DENND5B: variants seen among roughly 807,000 people sequenced by gnomAD.
DENND5B encodes the protein DENN domain containing 5B, also known as DENN domain-containing protein 5B.
DENND5B carries 34 observed loss-of-function variants against 140.6 expected under a neutral mutation model. That is an observed-to-expected ratio of 0.24 (90% CI 0.18 to 0.32). The LOEUF (loss-of-function observed/expected upper bound fraction) is 0.32. Among genes scored for constraint, DENND5B ranks in the 10% least tolerant of loss-of-function variants. DENND5B has a pLI of 1.00. For synonymous variants in DENND5B, 551 were observed against 562.1 expected (o/e 0.98, Z 0.28); for missense variants, 1,142 against 1,560.2 (o/e 0.73, Z 4.52).
intron 7 of DENND5B, among the ~76,000 whole-genome samples, chr12:31,436,457 T>C (rs1392413208): frequency 3.3e-5 from 5 of 152,144 alleles, no homozygotes; most frequent in African/African-American, 1.2e-4. Context: ...CCAATGGCTA[T>C]TATTTGATCC....
chr12:31,390,183 C>T (rs1941050363), intron 19 of DENND5B, among the ~76,000 whole-genome samples: 1 of 152,196 alleles, frequency 6.6e-6, no homozygotes, highest in Admixed American at 6.5e-5. Flanking sequence ...GATCACAAAG[C>T]TTAGCAAGCT....
chr12:31,395,581 G>A (rs777800815), intron 17 of DENND5B, among the ~76,000 whole-genome samples: 2 of 151,860 alleles, frequency 1.3e-5, no homozygotes, highest in Middle Eastern at 3.2e-3. Context: ...CAACAAGAGC[G>A]AAAACTCAGT....
At chr12:31,532,165 A>G (rs911323899) in intron 1 of DENND5B, among the ~76,000 whole-genome samples, 2 of 152,232 alleles carry the variant, frequency 1.3e-5, no homozygotes, top group African/African-American at 4.8e-5. Context: ...TGATTAAAAT[A>G]AAGGGGTGGC....
chr12:31,413,848 T>C (rs1942590200), intron 12 of DENND5B, among the ~76,000 whole-genome samples: 1 of 152,196 alleles, frequency 6.6e-6, no homozygotes, highest in Non-Finnish European at 1.5e-5. Context: ...TGTGGCAGAC[T>C]CATAGATATC....
chr12:31,391,842 T>A (rs1396096907), intron 19 of DENND5B, among the ~76,000 whole-genome samples: 1 of 151,970 alleles, frequency 6.6e-6, no homozygotes, highest in Non-Finnish European at 1.5e-5. Context: ...ATATTTATTT[T>A]AAAATATATA....
rs1941191842 is a variant in DENND5B at position 31,392,344 on chromosome 12, G to A, written c.3389C>T (p.Ala1130Val). The stretch of plus-strand genomic sequence containing the variant: ...CCCATGGTGGAAAACTTGCTCAAGG[G>A]CTGCAACCAGGCCATTTTCTCCACA... Reference protein sequence around the residue: ...LLCGENGLVAALEQVFHHGFK... With the variant: ...LLCGENGLVAVLEQVFHHGFK... Residue 1130 changes from alanine to valine, a missense_variant, in exon 19 of 21, where the codon GCC becomes GTC. This residue lies in a region of DENND5B where 125 missense variants were observed against 179.0 expected (regional missense o/e 0.70). Transcript: ENST00000389082. The A allele has an allele frequency of 1.2e-6, 2 of 1,613,594 alleles. No individual in the cohort carries two copies. The highest frequency in any genetic ancestry group is 2.7e-5 in the African/African-American group (2 of 74,792).
intron 7 of DENND5B, 98 bp downstream of exon 7, chr12:31,442,677 T>TA (rs1009314408): frequency 2.4e-6 from 3 of 1,273,094 alleles, no homozygotes; most frequent in Non-Finnish European, 3.1e-6. Context: ...AGTAATCAGA[T>TA]AGATGTTTAA....
intron 19 of DENND5B, among the ~76,000 whole-genome samples, chr12:31,389,895 T>C (rs1180650665): frequency 1.3e-5 from 2 of 152,052 alleles, no homozygotes; most frequent in Non-Finnish European, 2.9e-5. Context: ...TGCTAACACT[T>C]TGCAACAAGA....
chr12:31,490,432 C>A (rs974806742), intron 2 of DENND5B, among the ~76,000 whole-genome samples: 1 of 151,896 alleles, frequency 6.6e-6, no homozygotes, highest in Non-Finnish European at 1.5e-5. Flanking sequence ...AGCAACATAG[C>A]CAAACCCCGT....
intron 1 of DENND5B, among the ~76,000 whole-genome samples, chr12:31,537,865 A>G (rs982252159): frequency 2.6e-5 from 4 of 152,330 alleles, no homozygotes; most frequent in African/African-American, 9.6e-5. Flanking sequence ...AGATTTCAAG[A>G]CAAAAACTAT....
intron 20 of DENND5B, 64 bp from the exon 21 acceptor site, chr12:31,387,850 G>T: frequency 6.6e-7 from 1 of 1,521,868 alleles, no homozygotes; most frequent in Non-Finnish European, 8.9e-7. Flanking sequence ...AAGGCACACA[G>T]TGGAGTCTGT....
At chr12:31,573,501 G>C (rs967749577) in intron 1 of DENND5B, among the ~76,000 whole-genome samples, 3 of 152,172 alleles carry the variant, frequency 2.0e-5, no homozygotes, top group Admixed American at 6.5e-5. Context: ...GATTCAACAA[G>C]GTATGTCTAC....
chr12:31,503,226 A>G (rs895180752), intron 1 of DENND5B, among the ~76,000 whole-genome samples: 2 of 152,184 alleles, frequency 1.3e-5, no homozygotes, highest in African/African-American at 4.8e-5. Context: ...ACTATGACAC[A>G]AAAATCTCCC....
Position 31,392,698 on chromosome 12 carries a change from T to C in DENND5B, c.3257-2A>G, listed in dbSNP as rs1941212978. On this transcript the variant is annotated splice_acceptor_variant, in intron 17 of 20. Coordinates refer to ENST00000389082, the MANE Select transcript of DENND5B (RefSeq NM_144973.4). LOFTEE classifies it high-confidence loss of function. The stretch of plus-strand genomic sequence containing the variant: ...CTTGTATCTGCCCAGCATTGGGTTC[T>C]GTAAAATAATAAACAGTGGCTGCAT... The C allele has an allele frequency of 6.4e-7, 1 of 1,553,246 alleles. No homozygotes were observed. The highest frequency in any genetic ancestry group is 8.7e-7 in the Non-Finnish European group (1 of 1,147,660).
chr12:31,417,356 CAAAAAAAAAAA>C (rs767142927), intron 11 of DENND5B, among the ~76,000 whole-genome samples: 18 of 40,126 alleles, frequency 4.5e-4, no homozygotes, highest in Non-Finnish European at 8.7e-4. Flanking sequence ...GACTCTGTCT[CAAAAAAAAAAA>C]AAAAAAAAAA....
At chr12:31,501,381 A>G (rs1446864018) in intron 1 of DENND5B, among the ~76,000 whole-genome samples, 3 of 152,212 alleles carry the variant, frequency 2.0e-5, no homozygotes, top group Admixed American at 2.0e-4. Context: ...CTGTGAGTCA[A>G]TTCAACCTCT....
intron 1 of DENND5B, among the ~76,000 whole-genome samples, chr12:31,580,058 T>C (rs1739281596): frequency 6.6e-6 from 1 of 152,020 alleles, no homozygotes; most frequent in Non-Finnish European, 1.5e-5. Flanking sequence ...GTAGGTGCCA[T>C]GAAGAACAAA....
chr12:31,392,813 G>T, intron 17 of DENND5B, 117 bp from the exon 18 acceptor site: 1 of 996,436 alleles, frequency 1.0e-6, no homozygotes, highest in Non-Finnish European at 1.4e-6. Context: ...GGCTGGCTTT[G>T]CCAGGGGCTC....
At chr12:31,392,068 G>A (rs1281854766) in intron 19 of DENND5B, among the ~76,000 whole-genome samples, 199 bp downstream of exon 19, 1 of 151,466 alleles carries the variant, frequency 6.6e-6, no homozygotes, top group African/African-American at 2.4e-5. Flanking sequence ...GAACCTGGGA[G>A]GCGGAGGTTA....
Sources: gnomAD v4.1 joint callset for allele counts (sites outside exome capture counted in the v4.1 genomes callset) on GRCh38, gnomAD v4.1.1 for gene constraint, gnomAD v4.1.1 regional missense constraint, MANE v1.5 for transcripts, NCBI Gene and HGNC (gene_info 2026-07-23, HGNC 2026-07-21) for gene names.